The following SCAI variants were observed in gnomAD, a reference collection of about 807,000 sequenced individuals.
SCAI encodes protein SCAI.
Under a neutral mutation model 92.2 loss-of-function variants are expected in SCAI, and 24 were observed. That is an observed-to-expected ratio of 0.26 (90% CI 0.19 to 0.37). The LOEUF (loss-of-function observed/expected upper bound fraction) is 0.37. SCAI is among the 10% of genes least tolerant of loss of function. The pLI is 1.00. For synonymous variants in SCAI, 261 were observed against 258.6 expected (o/e 1.01, Z -0.09); for missense variants, 450 against 736.2 (o/e 0.61, Z 4.50).
At chr9:125,012,906 GA>G (rs2131060075) in intron 9 of SCAI, among the ~76,000 whole-genome samples, 1 of 151,410 alleles carries the variant, frequency 6.6e-6, no homozygotes, top group African/African-American at 2.4e-5. Context: ...CATGGAAACT[GA>G]ACAACCTGCT....
intron 15 of SCAI, among the ~76,000 whole-genome samples, chr9:124,973,127 C>CGTAT (rs1831691511): frequency 1.3e-5 from 2 of 152,298 alleles, no homozygotes; most frequent in South Asian, 4.1e-4. Flanking sequence ...GTACCGTATA[C>CGTAT]ACATAACCTA....
intron 9 of SCAI, among the ~76,000 whole-genome samples, chr9:125,006,629 C>A (rs995687941): frequency 6.6e-6 from 1 of 152,026 alleles, no homozygotes; most frequent in South Asian, 2.1e-4. Context: ...GTAGCTAGGA[C>A]TACAGGCGCA....
intron 13 of SCAI, among the ~76,000 whole-genome samples, chr9:124,997,491 A>G (rs935648526): frequency 1.3e-5 from 2 of 152,236 alleles, no homozygotes; most frequent in African/African-American, 4.8e-5. Flanking sequence ...AGACCAGTCC[A>G]GTTTTCTTTA....
At chr9:125,081,070 C>T (rs1225696673) in intron 2 of SCAI, among the ~76,000 whole-genome samples, 1 of 152,222 alleles carries the variant, frequency 6.6e-6, no homozygotes, top group Admixed American at 6.5e-5. Context: ...TCCCCAGCCA[C>T]ATGGAACTGT....
Position 125,028,411 on chromosome 9 carries a change from G to A in SCAI, c.394C>T (p.Gln132Ter). The A allele has an allele frequency of 6.3e-7, 1 of 1,587,772 alleles. No homozygotes were observed. The highest frequency in any genetic ancestry group is 1.1e-5 in the South Asian group (1 of 87,914). Residue 132 changes from glutamine to a stop codon, truncating the protein, a stop_gained, in exon 5 of 18, where the codon CAG becomes TAG. Coordinates refer to ENST00000336505, the MANE Select transcript of SCAI (RefSeq NM_001144877.3). LOFTEE classifies it high-confidence loss of function. ...ACTTACTAATAATGATAGTATAGCT[G>A]CCCAATCTTGGAAGCAATTTCTCCT... ...QIGEIASKIG[Q>*]LYYHYYLRTS...
chr9:124,995,595 T>C (rs1484778759), intron 13 of SCAI, among the ~76,000 whole-genome samples: 1 of 151,950 alleles, frequency 6.6e-6, no homozygotes, highest in African/African-American at 2.4e-5. Context: ...GCTCAGGTGA[T>C]CCTCCCACCT....
At chr9:125,140,749 C>T (rs1039390937) in intron 2 of SCAI, among the ~76,000 whole-genome samples, 3 of 149,288 alleles carry the variant, frequency 2.0e-5, no homozygotes, top group Non-Finnish European at 4.4e-5. Context: ...GTCCCAGCTA[C>T]TCCAGAGGCT....
chr9:125,138,419 C>A (rs1179754514), intron 2 of SCAI, among the ~76,000 whole-genome samples: 3 of 151,524 alleles, frequency 2.0e-5, no homozygotes, highest in South Asian at 2.1e-4. Context: ...CCACGCCCAG[C>A]CAATTTTTTT....
chr9:125,086,651 A>T (rs532876440), intron 2 of SCAI, among the ~76,000 whole-genome samples: 2 of 152,370 alleles, frequency 1.3e-5, no homozygotes, highest in East Asian at 3.8e-4. Context: ...AATTATCAGG[A>T]GATTCTTAAT....
chr9:124,976,216 T>C (rs1831751630), intron 14 of SCAI, 30 bp from the exon 15 acceptor site: 1 of 1,464,904 alleles, frequency 6.8e-7, no homozygotes, highest in Non-Finnish European at 9.6e-7. Context: ...AAAACTTGCA[T>C]TAAAGATTTG....
At chr9:125,028,047 T>C (rs1468656977) in intron 5 of SCAI, among the ~76,000 whole-genome samples, 3 of 152,204 alleles carry the variant, frequency 2.0e-5, no homozygotes, top group African/African-American at 7.2e-5. Flanking sequence ...CATTCACATA[T>C]ACAAGTTATA....
intron 2 of SCAI, among the ~76,000 whole-genome samples, chr9:125,074,769 C>T (rs1224210620): frequency 6.6e-6 from 1 of 151,632 alleles, no homozygotes; most frequent in Non-Finnish European, 1.5e-5. Context: ...CTTTGGGAGG[C>T]CGAGGTGGGC....
intron 17 of SCAI, among the ~76,000 whole-genome samples, chr9:124,963,334 C>T (rs1294819371): frequency 6.6e-6 from 1 of 151,424 alleles, no homozygotes; most frequent in Non-Finnish European, 1.5e-5. Context: ...CGGGGTTTCA[C>T]CATGTTGGCC....
chr9:124,976,026 G>C, intron 15 of SCAI, 88 bp downstream of exon 15: 1 of 832,110 alleles, frequency 1.2e-6, no homozygotes, highest in Non-Finnish European at 2.0e-6. Flanking sequence ...GATCATTATG[G>C]GAGGAAAAAA....
intron 3 of SCAI, among the ~76,000 whole-genome samples, chr9:125,040,808 C>A (rs1444869586): frequency 6.9e-6 from 1 of 145,276 alleles, no homozygotes; most frequent in Non-Finnish European, 1.5e-5. Flanking sequence ...TTTTTTTTTG[C>A]ATTTTTAATA....
At chr9:124,968,447 G>A in intron 17 of SCAI, 3 of 1,016,590 alleles carry the variant, frequency 3.0e-6, no homozygotes, top group Non-Finnish European at 4.7e-6. Context: ...TGAGTCCACT[G>A]GATGGAGAAG....
At chr9:124,994,868 T>C in intron 14 of SCAI, 66 bp downstream of exon 14, 1 of 979,544 alleles carries the variant, frequency 1.0e-6, no homozygotes, top group South Asian at 1.5e-5. Flanking sequence ...AGGCACACAT[T>C]AAGAGTGGGT....
At position 124,947,161 on chromosome 9, in the gene SCAI, T is replaced by C. The variant is rs1831158107; in HGVS notation, c.*5646A>G. The C allele has an allele frequency of 6.6e-6, 1 of 152,216 alleles. No homozygotes were observed. The highest frequency in any genetic ancestry group is 2.4e-5 in the African/African-American group (1 of 41,460). 9.4% of individuals were successfully genotyped at this position (152,216 alleles called of 1,614,324 possible). ...TTCCCCTATTTAATGGACATTTTCC[T>C]ATGTTTTTAAATGTGATTAAAGCAA... is the stretch of plus-strand genomic sequence containing the variant. On this transcript the variant is annotated 3_prime_UTR_variant, in exon 18 of 18. Coordinates refer to ENST00000336505, the MANE Select transcript of SCAI (RefSeq NM_001144877.3).
rs970624962 is a variant in SCAI, at chr9:124,947,470, C to A, written c.*5337G>T. On this transcript the variant is annotated 3_prime_UTR_variant, in exon 18 of 18. Coordinates refer to ENST00000336505, the MANE Select transcript of SCAI (RefSeq NM_001144877.3). ...TTAGCCCATTTTATCCAAACACAAG[C>A]CTCTCAAAATAGAGGCTTATGAATG... is the stretch of plus-strand genomic sequence containing the variant. 1.3e-5 allele frequency: 2 copies of A among 151,854 alleles called. No individual in the cohort carries two copies. The highest frequency in any genetic ancestry group is 2.4e-5 in the African/African-American group (1 of 41,402). 9.4% of individuals were successfully genotyped at this position (151,854 alleles called of 1,614,324 possible).
Sources: allele counts gnomAD v4.1 joint callset (sites outside exome capture counted in the v4.1 genomes callset), GRCh38; gene constraint gnomAD v4.1.1; transcripts MANE v1.5; gene names NCBI Gene and HGNC (gene_info 2026-07-23, HGNC 2026-07-21).